PRKCA: variants seen among roughly 807,000 people sequenced by gnomAD.
PRKCA encodes the protein protein kinase C alpha type.
PRKCA carries 27 observed loss-of-function variants against 87.0 expected under a neutral mutation model. That is an observed-to-expected ratio of 0.31 (90% CI 0.23 to 0.43). The LOEUF (loss-of-function observed/expected upper bound fraction) is 0.43, where lower values mean the gene tolerates loss of function less well. Among genes scored for constraint, PRKCA ranks in the 20% least tolerant of loss-of-function variants. PRKCA has a pLI of 1.00. For synonymous variants in PRKCA, 329 were observed against 311.1 expected (o/e 1.06, Z -0.61); for missense variants, 518 against 852.3 (o/e 0.61, Z 4.88).
chr17:66,657,438 G>A lies in PRKCA; in HGVS notation c.529+11927G>A, dbSNP rs576869012. Among the ~76,000 whole-genome samples the A allele has an allele frequency of 2.6e-5, 4 of 152,232 alleles. No homozygotes were observed. The East Asian group carries it at 5.8e-4, about 22-fold the overall frequency. ...GTTTCATCAACTTCGACTCACTTGA[G>A]GTAGGGAATGTAATCAAAAGAGACA... On this transcript the variant is annotated intron_variant, in intron 5 of 16. Transcript: ENST00000413366.
At chr17:66,337,284 A>G (rs1906759479) in intron 2 of PRKCA, among the ~76,000 whole-genome samples, 1 of 152,186 alleles carries the variant, frequency 6.6e-6, no homozygotes, top group Non-Finnish European at 1.5e-5. Context: ...GTGATCCGCT[A>G]AGGACAGTGA....
chr17:66,564,500 C>G (rs1195235960), intron 3 of PRKCA, among the ~76,000 whole-genome samples: 1 of 152,172 alleles, frequency 6.6e-6, no homozygotes, highest in Non-Finnish European at 1.5e-5. Flanking sequence ...CATGGTGCCT[C>G]TTTAAGGATG....
intron 3 of PRKCA, among the ~76,000 whole-genome samples, chr17:66,593,959 C>T (rs1969891813): frequency 6.6e-6 from 1 of 152,200 alleles, no homozygotes; most frequent in South Asian, 2.1e-4. Context: ...GTGGCGGCTG[C>T]CTGTAATCCC....
intron 3 of PRKCA, among the ~76,000 whole-genome samples, chr17:66,548,112 G>A (rs1567890881): frequency 6.6e-6 from 1 of 152,216 alleles, no homozygotes; most frequent in Non-Finnish European, 1.5e-5. Context: ...TAGAGCCTGA[G>A]GGAGCTTTTC....
chr17:66,723,782 A>T (rs978654133), intron 8 of PRKCA, among the ~76,000 whole-genome samples: 1 of 152,188 alleles, frequency 6.6e-6, no homozygotes. Context: ...CAGTCTTCTT[A>T]CTACTATATT....
chr17:66,751,384 G>C (rs1974423947), intron 13 of PRKCA, among the ~76,000 whole-genome samples: 1 of 152,196 alleles, frequency 6.6e-6, no homozygotes, highest in South Asian at 2.1e-4. Context: ...GCCAGCCTCA[G>C]AGCACAGGCT....
intron 2 of PRKCA, among the ~76,000 whole-genome samples, chr17:66,470,369 G>A (rs1915273088): frequency 8.3e-6 from 1 of 120,088 alleles, no homozygotes; most frequent in South Asian, 2.7e-4. Context: ...GGGATTACAG[G>A]CACCCCCCGC....
chr17:66,742,252 C>T (rs556358763), intron 12 of PRKCA, among the ~76,000 whole-genome samples: 19 of 152,294 alleles, frequency 1.2e-4, no homozygotes, highest in African/African-American at 4.3e-4. Context: ...GTTCTAAACC[C>T]GTGATTTTGC....
At chr17:66,603,299 G>A (rs1970109280) in intron 3 of PRKCA, among the ~76,000 whole-genome samples, 1 of 152,168 alleles carries the variant, frequency 6.6e-6, no homozygotes, top group Admixed American at 6.5e-5. Context: ...GGTAAAAGGA[G>A]CCAGAGAACA....
chr17:66,794,720 A>C (rs1192075349), intron 16 of PRKCA, among the ~76,000 whole-genome samples: 1 of 150,934 alleles, frequency 6.6e-6, no homozygotes, highest in African/African-American at 2.4e-5. Flanking sequence ...TCCCAGGTTC[A>C]AGCAATTCTC....
Position 66,728,025 on chromosome 17 carries a change from C to T in PRKCA, c.919-4663C>T, listed in dbSNP as rs1042620731. On this transcript the variant is annotated intron_variant, in intron 8 of 16. Coordinates refer to ENST00000413366, the MANE Select transcript of PRKCA (RefSeq NM_002737.3). ...ACTTGCTCAAAGCCGGCCCAGACCC[C>T]TGAGGTTGCCGTACCGTGGAGTTTC... 3.3e-5 allele frequency among the ~76,000 whole-genome samples: 5 copies of T among 152,346 alleles called. No individual in the cohort carries two copies. The East Asian group carries it at 9.6e-4, about 29-fold the overall frequency.
At chr17:66,489,020 C>T (rs2144082883) in intron 2 of PRKCA, among the ~76,000 whole-genome samples, 1 of 152,112 alleles carries the variant, frequency 6.6e-6, no homozygotes, top group East Asian at 1.9e-4. Flanking sequence ...TGTGACGTTG[C>T]CTTTCATTAA....
chr17:66,394,927 TA>T (rs1910576653), intron 2 of PRKCA, among the ~76,000 whole-genome samples: 1 of 152,230 alleles, frequency 6.6e-6, no homozygotes, highest in Non-Finnish European at 1.5e-5. Context: ...GTGGGTCGGT[TA>T]AACTGCTTTA....
chr17:66,399,104 T>TCTTTC (rs1555598365), intron 2 of PRKCA, among the ~76,000 whole-genome samples: 9 of 131,938 alleles, frequency 6.8e-5, no homozygotes, highest in Non-Finnish European at 5.0e-5. Context: ...TCTTTTCTTT[T>TCTTTC]TTTTTTTTTT....
At chr17:66,382,979 ATTATT>A (rs1167174333) in intron 2 of PRKCA, among the ~76,000 whole-genome samples, 5 of 152,132 alleles carry the variant, frequency 3.3e-5, no homozygotes, top group African/African-American at 1.2e-4. Context: ...ATTTTCTTTC[ATTATT>A]TTATTTCCAC....
intron 3 of PRKCA, among the ~76,000 whole-genome samples, chr17:66,519,656 C>T (rs1967091058): frequency 6.6e-6 from 1 of 152,184 alleles, no homozygotes; most frequent in Non-Finnish European, 1.5e-5. Context: ...CTAATTCCTC[C>T]AGCCCACACT....
chr17:66,593,385 G>A (rs1373976029), intron 3 of PRKCA, among the ~76,000 whole-genome samples: 2 of 152,144 alleles, frequency 1.3e-5, no homozygotes, highest in Non-Finnish European at 2.9e-5. Context: ...GGAAGTGGAG[G>A]AAGAGGATGA....
intron 2 of PRKCA, among the ~76,000 whole-genome samples, chr17:66,335,974 A>T (rs1436723788): frequency 6.6e-6 from 1 of 152,198 alleles, no homozygotes; most frequent in Non-Finnish European, 1.5e-5. Flanking sequence ...CCAGCAGTGT[A>T]TGAGGGTCAG....
chr17:66,540,373 C>G (rs971483493), intron 3 of PRKCA, among the ~76,000 whole-genome samples: 1 of 152,182 alleles, frequency 6.6e-6, no homozygotes, highest in Non-Finnish European at 1.5e-5. Context: ...TGCCTGCAAA[C>G]CCTGGAGTGG....
Sources: gnomAD v4.1 joint callset for allele counts (sites outside exome capture counted in the v4.1 genomes callset) on GRCh38, gnomAD v4.1.1 for gene constraint, MANE v1.5 for transcripts, NCBI Gene and HGNC (gene_info 2026-07-23, HGNC 2026-07-21) for gene names.